BEND6: variants seen among roughly 807,000 people sequenced by gnomAD.
BEND6 encodes the protein BEN domain-containing protein 6.
BEND6 carries 24 observed loss-of-function variants against 31.8 expected under a neutral mutation model. The ratio of observed to expected loss-of-function variants is 0.75; its 90% CI spans 0.55 to 1.06. BEND6 has a LOEUF of 1.06. BEND6 is among the 50% of genes least tolerant of loss of function. The pLI is 0.00. For missense variants in BEND6, 294 were observed against 327.4 expected (o/e 0.90, Z 0.79); for synonymous variants, 109 against 114.6 (o/e 0.95, Z 0.31).
intron 4 of BEND6, among the ~76,000 whole-genome samples, chr6:57,015,585 G>T (rs1229478752): frequency 4.6e-5 from 7 of 151,344 alleles, no homozygotes; most frequent in African/African-American, 1.7e-4. Flanking sequence ...CAGATCATGA[G>T]GTCAGATCGA....
In BEND6 at chr6:56,975,844, C is replaced by G. The variant is rs1825853277; in HGVS notation, c.-100-5867C>G. The stretch of plus-strand genomic sequence containing the variant: ...CTCTGTAGGCCAAGAAAGCTACTGA[C>G]CTCTAATGCCTATGTTCATCAGTCA... On this transcript the variant is annotated intron_variant, in intron 1 of 6. Coordinates refer to ENST00000370746, the MANE Select transcript of BEND6 (RefSeq NM_152731.3). 10 of 528,884 alleles carry G rather than the reference C, an allele frequency of 1.9e-5. No individual in the cohort carries two copies. The Admixed American group carries it at 2.0e-4, about 11-fold the overall frequency. The allele number at this position is 528,884 out of a possible 1,614,324, so 32.8% of individuals were successfully genotyped here.
intron 2 of BEND6, among the ~76,000 whole-genome samples, chr6:56,985,930 T>C (rs1826252207): frequency 6.6e-6 from 1 of 152,216 alleles, no homozygotes; most frequent in African/African-American, 2.4e-5. Context: ...GTTAACTTCA[T>C]TTCCTTCCAC....
chr6:57,017,811 T>C (rs1213157515), intron 5 of BEND6, among the ~76,000 whole-genome samples: 2 of 152,198 alleles, frequency 1.3e-5, no homozygotes, highest in African/African-American at 4.8e-5. Context: ...ATAATCTAGA[T>C]TATCCAATTA....
intron 3 of BEND6, among the ~76,000 whole-genome samples, chr6:57,007,418 A>G (rs1827197735): frequency 6.6e-6 from 1 of 152,168 alleles, no homozygotes. Context: ...AAGACCCCAA[A>G]CAATGAAACT....
At chr6:56,978,120 A>C (rs1825951523) in intron 1 of BEND6, among the ~76,000 whole-genome samples, 1 of 151,754 alleles carries the variant, frequency 6.6e-6, no homozygotes, top group Middle Eastern at 3.4e-3. Flanking sequence ...AAAACAAAAA[A>C]AAAAAACTAA....
At chr6:57,006,128 G>A (rs765130328) in intron 3 of BEND6, among the ~76,000 whole-genome samples, 33 of 152,196 alleles carry the variant, frequency 2.2e-4, no homozygotes, top group Non-Finnish European at 4.1e-4. Flanking sequence ...GTAACCTTGT[G>A]CAAGTTGTTT....
At chr6:57,016,256 A>G (rs1318308724) in intron 4 of BEND6, among the ~76,000 whole-genome samples, 1 of 152,240 alleles carries the variant, frequency 6.6e-6, no homozygotes, top group African/African-American at 2.4e-5. Flanking sequence ...GATAAATATT[A>G]ACTAACAATC....
chr6:56,970,702 A>G (rs183242019), intron 1 of BEND6, among the ~76,000 whole-genome samples: 6 of 152,360 alleles, frequency 3.9e-5, no homozygotes, highest in African/African-American at 1.2e-4. Context: ...GGCAGCTAAT[A>G]TAAACATTGA....
chr6:56,981,001 A>G (rs1826045024), intron 1 of BEND6, among the ~76,000 whole-genome samples: 2 of 152,280 alleles, frequency 1.3e-5, no homozygotes, highest in East Asian at 1.9e-4. Context: ...TTTTGTAGCA[A>G]TGAGGTTTTA....
chr6:56,969,382 A>G (rs1051118130), intron 1 of BEND6, among the ~76,000 whole-genome samples: 2 of 152,204 alleles, frequency 1.3e-5, no homozygotes, highest in African/African-American at 4.8e-5. Flanking sequence ...TAAAACTAGT[A>G]GTCCGTTTTA....
chr6:56,982,634 A>G (rs541073168), intron 2 of BEND6, among the ~76,000 whole-genome samples: 65 of 152,084 alleles, frequency 4.3e-4, no homozygotes, highest in African/African-American at 1.5e-3. Flanking sequence ...GTTTTATTTC[A>G]TATATTCTTA....
At chr6:57,014,405 G>T in intron 3 of BEND6, 1 of 1,160,986 alleles carries the variant, frequency 8.6e-7, no homozygotes, top group South Asian at 1.7e-5. Flanking sequence ...GTGAGGAACT[G>T]AATTAGACAA....
intron 1 of BEND6, among the ~76,000 whole-genome samples, chr6:56,968,665 A>G (rs2127842863): frequency 6.6e-6 from 1 of 152,104 alleles, no homozygotes; most frequent in South Asian, 2.1e-4. Context: ...ATCCAGTCCA[A>G]GTTATGCCAT....
Position 57,014,252 on chromosome 6 carries a change from T to TTCCTTTAA in BEND6, c.299-879_299-872dup, listed in dbSNP as rs546720919. On this transcript the variant is annotated intron_variant, in intron 3 of 6. Transcript: ENST00000370746. The stretch of plus-strand genomic sequence containing the variant: ...ATAAGATTTTCTTCTTTAGTAGATT[T>TTCCTTTAA]TCCTTTAATATAGTACCAGATATAC... Among the ~76,000 whole-genome samples, 8 of 152,356 alleles carry TTCCTTTAA rather than the reference T, an allele frequency of 5.3e-5. No individual in the cohort carries two copies. In the South Asian group the frequency reaches 1.7e-3, roughly 32 times the overall value.
intron 1 of BEND6, chr6:56,975,939 C>T (rs1169832929): frequency 3.8e-6 from 2 of 531,248 alleles, no homozygotes; most frequent in South Asian, 1.4e-5. Flanking sequence ...AAGTAAGACA[C>T]CAGCACCAGA....
intron 1 of BEND6, among the ~76,000 whole-genome samples, chr6:56,964,649 G>A (rs1362315834): frequency 6.6e-6 from 1 of 152,062 alleles, no homozygotes; most frequent in African/African-American, 2.4e-5. Context: ...CTACAAGCAG[G>A]CACCACCATA....
intron 1 of BEND6, among the ~76,000 whole-genome samples, chr6:56,978,299 A>G (rs1353355462): frequency 6.6e-6 from 1 of 151,960 alleles, no homozygotes; most frequent in East Asian, 1.9e-4. Flanking sequence ...AATAAAATAA[A>G]ATAAAATATA....
chr6:56,983,659 A>C (rs1296979379), intron 2 of BEND6, among the ~76,000 whole-genome samples: 1 of 152,210 alleles, frequency 6.6e-6, no homozygotes, highest in Non-Finnish European at 1.5e-5. Flanking sequence ...TTTAGGGCTC[A>C]ATGATATTCC....
intron 1 of BEND6, among the ~76,000 whole-genome samples, chr6:56,960,014 A>G (rs1825233382): frequency 6.6e-6 from 1 of 152,222 alleles, no homozygotes; most frequent in African/African-American, 2.4e-5. Context: ...AAAAACATCA[A>G]TATAATTGAA....
Sources: allele counts gnomAD v4.1 joint callset (sites outside exome capture counted in the v4.1 genomes callset), GRCh38; gene constraint gnomAD v4.1.1; transcripts MANE v1.5; gene names NCBI Gene and HGNC (gene_info 2026-07-23, HGNC 2026-07-21).